Variants in PARVB observed in about 807,000 individuals in gnomAD.
The protein encoded by PARVB is beta-parvin.
In PARVB, 46 loss-of-function variants were observed where a neutral mutation model predicts 47.0. The observed-to-expected ratio is 0.98, with a 90% CI of 0.77 to 1.25. The LOEUF (loss-of-function observed/expected upper bound fraction) is 1.25. Ranked by LOEUF, PARVB falls within the 50% of genes most tolerant of loss-of-function variation. The pLI is 0.00. For missense variants in PARVB, 473 were observed against 471.6 expected (o/e 1.00, Z -0.03); for synonymous variants, 196 against 196.3 (o/e 1.00, Z 0.01).
intron 1 of PARVB, chr22:44,039,687 C>T (rs907063738): frequency 2.4e-5 from 8 of 329,386 alleles, no homozygotes; most frequent in Admixed American, 7.8e-5. Flanking sequence ...CAGTAATTGA[C>T]AGGACGGAAT....
intron 1 of PARVB, chr22:44,069,241 C>T: frequency 3.0e-6 from 4 of 1,347,348 alleles, no homozygotes; most frequent in Non-Finnish European, 4.3e-6. Context: ...TGCTTTATGG[C>T]AGAATTTTGT....
At position 44,043,738 on chromosome 22, in the gene PARVB, T is replaced by TA. The variant is rs34858261; in HGVS notation, c.112+19295dup. On this transcript the variant is annotated intron_variant, in intron 1 of 12. Coordinates refer to ENST00000338758, the MANE Select transcript of PARVB (RefSeq NM_013327.5). The stretch of plus-strand genomic sequence containing the variant: ...GTGAATTCTGTCTCAATAAAGCTGG[T>TA]AAAAAAAATAGCGTGGTACTGAGAG... 2.2e-3 allele frequency among the ~76,000 whole-genome samples: 334 copies of TA among 152,086 alleles called. 6 individuals are homozygous for TA. Among genetic ancestry groups the TA allele is most frequent in the African/African-American group, 6.6e-3 (274 of 41,500 alleles).
chr22:44,140,306 C>A lies in PARVB; in HGVS notation c.712+163C>A, dbSNP rs2053526488. On this transcript the variant is annotated intron_variant, in intron 8 of 12. Coordinates refer to ENST00000338758, the MANE Select transcript of PARVB (RefSeq NM_013327.5). ...GAGAAAGTGCACAGCCCACCCCCACCTTTCTGTATAATGGGCTTGTTTCTC... is the reference window on the plus strand; with the variant it reads ...GAGAAAGTGCACAGCCCACCCCCACATTTCTGTATAATGGGCTTGTTTCTC... 3.9e-6 allele frequency: 3 copies of A among 762,450 alleles called. No homozygotes were observed. The Admixed American group carries it at 5.8e-5, about 15-fold the overall frequency. 47.2% of individuals were successfully genotyped at this position (762,450 alleles called of 1,614,324 possible).
At position 44,159,062 on chromosome 22, in the gene PARVB, CGAGA is replaced by C. The variant is rs146828603; in HGVS notation, c.945+989_945+992del. 8.2e-4 allele frequency among the ~76,000 whole-genome samples: 124 copies of C among 151,774 alleles called. 1 individual carries two copies. The highest frequency in any genetic ancestry group is 3.1e-3 in the South Asian group (15 of 4,794). Reference sequence around the variant, plus strand: ...TTGGCACATGGAGTCCATGTTGAATCGAGAGAGAGAGAGCGAGCGAGCGAGCAAG... The same window carrying C: ...TTGGCACATGGAGTCCATGTTGAATCGAGAGAGAGCGAGCGAGCGAGCAAG... On this transcript the variant is annotated intron_variant, in intron 11 of 12. Transcript: ENST00000338758.
intron 4 of PARVB, chr22:44,120,067 T>C (rs944120211): frequency 1.4e-5 from 5 of 355,724 alleles, no homozygotes; most frequent in African/African-American, 6.4e-5. Flanking sequence ...GGTGGGGACG[T>C]TGGGGCCCAC....
intron 12 of PARVB, among the ~76,000 whole-genome samples, chr22:44,164,525 C>T (rs1316131660): frequency 6.6e-6 from 1 of 152,144 alleles, no homozygotes; most frequent in East Asian, 1.9e-4. Flanking sequence ...CTCAGCAGAA[C>T]ATGGGTGGCA....
At chr22:44,137,474 C>T (rs2053462625) in intron 7 of PARVB, among the ~76,000 whole-genome samples, 1 of 152,186 alleles carries the variant, frequency 6.6e-6, no homozygotes, top group African/African-American at 2.4e-5. Context: ...TGGGATTGGG[C>T]TGGTGTCTTA....
intron 1 of PARVB, among the ~76,000 whole-genome samples, chr22:44,066,843 CTCT>C (rs1218728433): frequency 2.1e-5 from 3 of 144,446 alleles, no homozygotes; most frequent in African/African-American, 5.1e-5. Context: ...ATCTCCTCCT[CTCT>C]TCTTCTTCCT....
chr22:44,004,706 C>T (rs536550349), intron 2 of PARVB, among the ~76,000 whole-genome samples: 3 of 152,350 alleles, frequency 2.0e-5, no homozygotes, highest in East Asian at 1.9e-4. Flanking sequence ...TTGTTCGGGG[C>T]TCAAACTTTC....
chr22:44,168,730 C>T lies in PARVB; in HGVS notation c.*52C>T, dbSNP rs544472319. The T allele has an allele frequency of 1.7e-5, 22 of 1,272,596 alleles. No homozygotes were observed. The highest frequency in any genetic ancestry group is 1.2e-4 in the East Asian group (5 of 43,264). 78.8% of individuals were successfully genotyped at this position (1,272,596 alleles called of 1,614,324 possible). A position where few individuals can be genotyped will look rare whatever the true frequency, so the allele number is the denominator to read the frequency against. On this transcript the variant is annotated 3_prime_UTR_variant, in exon 13 of 13. Transcript: ENST00000338758. ...GTGTCCCAGCAAGAAAGGCGGCATC[C>T]GTCTGTGCCCTGTGCCTTTCCAGGG...
At chr22:44,120,816 C>T (rs1304414835) in intron 4 of PARVB, among the ~76,000 whole-genome samples, 2 of 151,614 alleles carry the variant, frequency 1.3e-5, no homozygotes, top group Non-Finnish European at 2.9e-5. Context: ...GCTAGGACTA[C>T]AGATGTGTAC....
intron 1 of PARVB, among the ~76,000 whole-genome samples, chr22:44,061,245 A>G (rs1405771951): frequency 6.6e-6 from 1 of 152,170 alleles, no homozygotes; most frequent in African/African-American, 2.4e-5. Flanking sequence ...CCTAGCTAAC[A>G]TGGGGAAGCC....
chr22:44,095,670 AT>A (rs149018776), intron 2 of PARVB, among the ~76,000 whole-genome samples: 2,718 of 152,262 alleles, frequency 0.018, 73 homozygotes, highest in African/African-American at 0.063. Flanking sequence ...GCCAAGACAC[AT>A]TTTCCTTAAA....
At chr22:44,085,931 C>T (rs1189953588) in intron 1 of PARVB, among the ~76,000 whole-genome samples, 2 of 152,180 alleles carry the variant, frequency 1.3e-5, no homozygotes, top group Non-Finnish European at 2.9e-5. Context: ...CACCTGTTGA[C>T]CTTCTTTGGA....
chr22:44,016,102 T>TC (rs1169102906), intron 2 of PARVB, among the ~76,000 whole-genome samples: 5 of 146,978 alleles, frequency 3.4e-5, no homozygotes, highest in African/African-American at 1.0e-4. Flanking sequence ...TTTCTTTCTT[T>TC]TTTTTTTTTT....
chr22:44,120,525 T>C (rs1163296264), intron 4 of PARVB, among the ~76,000 whole-genome samples: 3 of 152,064 alleles, frequency 2.0e-5, no homozygotes, highest in Non-Finnish European at 2.9e-5. Context: ...TGCCTGCTTG[T>C]CCTCCTGGGG....
intron 5 of PARVB, among the ~76,000 whole-genome samples, chr22:44,132,071 T>G (rs917919279): frequency 3.2e-4 from 49 of 152,270 alleles, no homozygotes; most frequent in African/African-American, 1.2e-3. Context: ...GGTGAAAGAC[T>G]AAACCAGGAG....
chr22:44,076,635 G>T (rs1231266022), intron 1 of PARVB, among the ~76,000 whole-genome samples: 2 of 152,190 alleles, frequency 1.3e-5, no homozygotes, highest in African/African-American at 4.8e-5. Flanking sequence ...AGCACGAGTT[G>T]TTTATAGGCG....
chr22:44,026,288 G>C (rs2050727189), intron 1 of PARVB: 1 of 984,618 alleles, frequency 1.0e-6, no homozygotes, highest in Non-Finnish European at 1.2e-6. Context: ...AATTCCGGTA[G>C]CAGGAAGCAT....
Sources: allele counts gnomAD v4.1 joint callset (sites outside exome capture counted in the v4.1 genomes callset), GRCh38; gene constraint gnomAD v4.1.1; transcripts MANE v1.5; gene names NCBI Gene and HGNC (gene_info 2026-07-23, HGNC 2026-07-21).